Variants in KAZN observed in about 807,000 individuals in gnomAD.
KAZN encodes the protein kazrin.
A neutral mutation model predicts 87.4 loss-of-function variants in KAZN; 40 were observed. The ratio of observed to expected loss-of-function variants is 0.46; its 90% CI spans 0.36 to 0.60. KAZN has a LOEUF of 0.60. Ranked by LOEUF, KAZN falls within the 20% of genes least tolerant of loss-of-function variation. The pLI, the probability that KAZN is intolerant of heterozygous loss-of-function variation, is 0.00. For missense variants in KAZN, 898 were observed against 1,073.9 expected (o/e 0.84, Z 2.29); for synonymous variants, 466 against 458.3 (o/e 1.02, Z -0.22).
chr1:14,012,378 AT>A (rs1180218237), intron 1 of KAZN, among the ~76,000 whole-genome samples: 5 of 152,230 alleles, frequency 3.3e-5, no homozygotes, highest in Non-Finnish European at 7.3e-5. Context: ...TTATTCCAAA[AT>A]GCTAAATAGA....
At chr1:14,284,525 C>A (rs1490825223) in intron 2 of KAZN, among the ~76,000 whole-genome samples, 2 of 152,066 alleles carry the variant, frequency 1.3e-5, no homozygotes, top group East Asian at 1.9e-4. Flanking sequence ...TGATGGACAG[C>A]AAATAGGGGA....
intron 2 of KAZN, among the ~76,000 whole-genome samples, chr1:15,009,067 GCCAGCAGC>G (rs1669324162): frequency 1.3e-5 from 2 of 152,234 alleles, no homozygotes; most frequent in Non-Finnish European, 2.9e-5. Flanking sequence ...GCTGGGGTGA[GCCAGCAGC>G]CCCCTTCCCT....
rs1671995616 is a variant in KAZN at position 14,528,055 on chromosome 1, C to CTATG, written c.250-70926_250-70925insTGTA. 2.7e-5 allele frequency among the ~76,000 whole-genome samples: 4 copies of CTATG among 149,070 alleles called. No individual in the cohort carries two copies. In the South Asian group the frequency reaches 6.5e-4, roughly 24 times the overall value. On this transcript the variant is annotated intron_variant, in intron 2 of 16. Coordinates refer to the KAZN transcript ENST00000636203. ...TCTATCTATCTATCTATCTATGTAC[C>CTATG]TACCTACCTATCTATCTTCCTCTCC...
intron 1 of KAZN, among the ~76,000 whole-genome samples, chr1:14,760,837 T>G (rs1249777188): frequency 1.3e-5 from 2 of 152,136 alleles, no homozygotes; most frequent in African/African-American, 4.8e-5. Flanking sequence ...TTAGCAAACT[T>G]TTTTCTATAG....
At chr1:14,133,816 G>T (rs1450796022) in intron 1 of KAZN, among the ~76,000 whole-genome samples, 4 of 152,170 alleles carry the variant, frequency 2.6e-5, no homozygotes, top group Non-Finnish European at 4.4e-5. Context: ...TGGGGATGCT[G>T]GAGGCTTTTC....
intron 1 of KAZN, among the ~76,000 whole-genome samples, chr1:14,952,240 CTGTGTGTGTG>C (rs56104480): frequency 0.013 from 1,873 of 143,996 alleles, 43 homozygotes; most frequent in African/African-American, 0.044. Flanking sequence ...TTCTTTCCCA[CTGTGTGTGTG>C]TGTGTGTGTG....
chr1:14,276,175 G>A (rs1239280883), intron 2 of KAZN, among the ~76,000 whole-genome samples: 1 of 148,900 alleles, frequency 6.7e-6, no homozygotes, highest in Non-Finnish European at 1.5e-5. Flanking sequence ...GTGTGTGTGT[G>A]TGTGTGTGTG....
chr1:14,617,888 G>A (rs1678379554), intron 1 of KAZN, among the ~76,000 whole-genome samples: 1 of 152,180 alleles, frequency 6.6e-6, no homozygotes, highest in South Asian at 2.1e-4. Context: ...TTCCCATTTG[G>A]CAGTGGCAGA....
chr1:14,865,501 C>T (rs1430896927), intron 1 of KAZN, among the ~76,000 whole-genome samples: 3 of 152,174 alleles, frequency 2.0e-5, no homozygotes, highest in Non-Finnish European at 4.4e-5. Flanking sequence ...CGGTGACCTT[C>T]CCTCATGGCA....
intron 10 of KAZN, among the ~76,000 whole-genome samples, chr1:15,098,881 G>A (rs1300819720): frequency 2.0e-5 from 3 of 152,216 alleles, no homozygotes; most frequent in Admixed American, 6.5e-5. Context: ...GAGCCTGAAG[G>A]GGCCCTGGAC....
chr1:14,846,776 C>G (rs1222624749), intron 1 of KAZN, among the ~76,000 whole-genome samples: 13 of 152,158 alleles, frequency 8.5e-5, no homozygotes, highest in Non-Finnish European at 1.2e-4. Context: ...TGCCTTCTAC[C>G]TGCCAGGCAG....
intron 8 of KAZN, among the ~76,000 whole-genome samples, chr1:15,082,489 TA>T (rs1203487576): frequency 1.3e-5 from 2 of 152,056 alleles, no homozygotes; most frequent in Admixed American, 1.3e-4. Context: ...TTTTAAATAG[TA>T]AAAGAAGAAA....
intron 1 of KAZN, among the ~76,000 whole-genome samples, chr1:14,018,259 T>G (rs1640661067): frequency 1.3e-5 from 2 of 152,194 alleles, no homozygotes; most frequent in Non-Finnish European, 2.9e-5. Context: ...TTGTGAAGTT[T>G]GTTTCAACAG....
At chr1:14,288,801 T>C (rs982207100) in intron 2 of KAZN, among the ~76,000 whole-genome samples, 18 of 152,360 alleles carry the variant, frequency 1.2e-4, no homozygotes, top group Admixed American at 5.2e-4. Context: ...TCTTTCCTGC[T>C]TTCTCTTGTG....
At chr1:14,328,050 T>C (rs947812359) in intron 2 of KAZN, among the ~76,000 whole-genome samples, 8 of 152,182 alleles carry the variant, frequency 5.3e-5, no homozygotes, top group Admixed American at 1.3e-4. Flanking sequence ...GCTCATGTAA[T>C]GGAAATAACA....
chr1:14,905,853 A>C (rs1656477385), intron 1 of KAZN, among the ~76,000 whole-genome samples: 1 of 147,522 alleles, frequency 6.8e-6, no homozygotes, highest in African/African-American at 2.5e-5. Flanking sequence ...AAAAATAATA[A>C]TAATAATAAT....
intron 2 of KAZN, among the ~76,000 whole-genome samples, chr1:14,451,040 C>T (rs907621732): frequency 2.6e-5 from 4 of 152,062 alleles, no homozygotes; most frequent in Non-Finnish European, 5.9e-5. Context: ...GACATGCCTG[C>T]CCCAACTTCA....
intron 1 of KAZN, among the ~76,000 whole-genome samples, chr1:14,885,110 A>G (rs1653886388): frequency 1.3e-5 from 2 of 152,188 alleles, no homozygotes; most frequent in Admixed American, 1.3e-4. Flanking sequence ...AAACACTTTA[A>G]CAAGAAATCA....
At chr1:15,090,168 G>A (rs761209059) in intron 8 of KAZN, among the ~76,000 whole-genome samples, 23 of 152,204 alleles carry the variant, frequency 1.5e-4, no homozygotes, top group Admixed American at 3.3e-4. Context: ...CAAGGAATCT[G>A]CCTGATGCTG....
Sources: allele counts gnomAD v4.1 joint callset (sites outside exome capture counted in the v4.1 genomes callset), GRCh38; gene constraint gnomAD v4.1.1; transcripts MANE v1.5; gene names NCBI Gene and HGNC (gene_info 2026-07-23, HGNC 2026-07-21).